GDF1: variants seen among roughly 807,000 people sequenced by gnomAD.
GDF1 encodes the protein embryonic growth/differentiation factor 1.
GDF1 carries 8 observed loss-of-function variants against 7.4 expected under a neutral mutation model. The observed-to-expected ratio is 1.09, with a 90% CI of 0.64 to 1.96. GDF1 has a LOEUF of 1.96. Ranked by LOEUF, GDF1 falls within the 30% of genes most tolerant of loss-of-function variation. The pLI, the probability that GDF1 is intolerant of heterozygous loss-of-function variation, is 0.00. For missense variants in GDF1, 574 were observed against 551.5 expected, an observed-to-expected ratio of 1.04 and a Z score of -0.41; for synonymous variants, 311 against 276.7, an observed-to-expected ratio of 1.12 and a Z score of -1.23.
intron 3 of GDF1, 53 bp from the exon 4 acceptor site, chr19:18,880,488 A>G: frequency 6.7e-7 from 1 of 1,496,182 alleles, no homozygotes; most frequent in Non-Finnish European, 9.0e-7. Flanking sequence ...GGGGACCTCC[A>G]CTCTGCACTA....
chr19:18,890,357 C>T (rs1045220504), intron 2 of GDF1, among the ~76,000 whole-genome samples: 1 of 152,248 alleles, frequency 6.6e-6, no homozygotes, highest in South Asian at 2.1e-4. Flanking sequence ...CCCTGCCACA[C>T]GGCCAGCTTC....
Position 18,879,268 on chromosome 19 carries a change from G to T in GDF1, c.-450C>A. 6.2e-7 allele frequency: 1 copy of T among 1,613,662 alleles called. No individual in the cohort carries two copies. Among genetic ancestry groups the T allele is most frequent in the South Asian group, 1.1e-5 (1 of 91,016 alleles). ...GGAACCAGTAGAGGTTCATAAGGGTGAGCAGCAGCAGGAGCGCATTGAAGA... is the reference window on the plus strand; with the variant it reads ...GGAACCAGTAGAGGTTCATAAGGGTTAGCAGCAGCAGGAGCGCATTGAAGA... On this transcript the variant is annotated 5_prime_UTR_variant, in exon 5 of 8. It introduces an in-frame stop codon into an upstream open reading frame of the 5' UTR. Coordinates refer to ENST00000247005, the MANE Select transcript of GDF1 (RefSeq NM_001492.6).
At chr19:18,871,725 G>A (rs532424083) in intron 6 of GDF1, among the ~76,000 whole-genome samples, 1 of 152,300 alleles carries the variant, frequency 6.6e-6, no homozygotes, top group South Asian at 2.1e-4. Context: ...CCAACTGGCT[G>A]TCCCCATCCA....
intron 4 of GDF1, among the ~76,000 whole-genome samples, chr19:18,880,031 C>T (rs1240896753): frequency 2.0e-5 from 3 of 151,728 alleles, no homozygotes. Context: ...CCCACCTCAC[C>T]TGGCTTATCC....
At chr19:18,892,313 G>A (rs540839224) in intron 2 of GDF1, among the ~76,000 whole-genome samples, 3 of 152,068 alleles carry the variant, frequency 2.0e-5, no homozygotes, top group African/African-American at 7.2e-5. Flanking sequence ...TCCATGCTGT[G>A]CTTAAAAACA....
At chr19:18,890,821 C>T (rs1021709634) in intron 2 of GDF1, among the ~76,000 whole-genome samples, 2 of 146,334 alleles carry the variant, frequency 1.4e-5, no homozygotes, top group Non-Finnish European at 3.0e-5. Context: ...AAGGCAAGTC[C>T]ATGCCCAAAA....
chr19:18,884,417 ATTTT>A (rs11297387), intron 2 of GDF1, 150 bp from the exon 3 acceptor site: 27 of 562,648 alleles, frequency 4.8e-5, no homozygotes, highest in South Asian at 1.3e-4. Context: ...TCCCAATTCT[ATTTT>A]TTTTTTTTTT....
chr19:18,880,162 A>G (rs563400159), intron 4 of GDF1, 112 bp downstream of exon 4: 1 of 1,056,792 alleles, frequency 9.5e-7, no homozygotes, highest in Admixed American at 2.9e-5. Context: ...CATGCCACAC[A>G]CCCACCTCAC....
chr19:18,887,433 T>C (rs1039879829), intron 2 of GDF1, among the ~76,000 whole-genome samples: 1 of 151,708 alleles, frequency 6.6e-6, no homozygotes, highest in Admixed American at 6.6e-5. Context: ...ACAGAGGGGG[T>C]GGTTGAACAA....
chr19:18,879,173 TGAG>T (rs1323589168), intron 5 of GDF1, 65 bp downstream of exon 5: 3 of 1,603,676 alleles, frequency 1.9e-6, no homozygotes, highest in Non-Finnish European at 2.6e-6. Context: ...CGGGACTGCC[TGAG>T]GAGGGGACAG....
intron 2 of GDF1, among the ~76,000 whole-genome samples, chr19:18,885,514 T>TTTTG (rs568982745): frequency 1.8e-3 from 57 of 31,264 alleles, no homozygotes; most frequent in African/African-American, 2.5e-3. Flanking sequence ...CCTTCTCGTT[T>TTTTG]TTTTTTTTTT....
At chr19:18,885,006 G>A (rs960659587) in intron 2 of GDF1, among the ~76,000 whole-genome samples, 3 of 150,954 alleles carry the variant, frequency 2.0e-5, no homozygotes, top group Non-Finnish European at 4.4e-5. Context: ...GTGAGCCACC[G>A]TGCCCGGCCA....
intron 3 of GDF1, 121 bp downstream of exon 3, chr19:18,883,966 C>T: frequency 9.1e-7 from 1 of 1,099,384 alleles, no homozygotes; most frequent in Non-Finnish European, 1.3e-6. Context: ...ACCTTGGAAC[C>T]CTGAGCACTC....
intron 2 of GDF1, among the ~76,000 whole-genome samples, chr19:18,887,067 T>C (rs2056380054): frequency 6.6e-6 from 1 of 152,174 alleles, no homozygotes; most frequent in South Asian, 2.1e-4. Flanking sequence ...TGTGTCCCTG[T>C]CTACAGCAGC....
In GDF1 at chr19:18,879,381, A is replaced by C; in HGVS notation, c.-563T>G. 1 of 1,565,820 alleles carries C rather than the reference A, an allele frequency of 6.4e-7. No individual in the cohort carries two copies. Among genetic ancestry groups the C allele is most frequent in the South Asian group, 1.2e-5 (1 of 85,246 alleles). On this transcript the variant is annotated 5_prime_UTR_variant, in exon 5 of 8. Transcript: ENST00000247005. ...TTGAGCGGGAACCAGTAGAGGCGGA[A>C]CCAGAACCTGCGGTGGGAGGAGTCA...
intron 7 of GDF1, 148 bp downstream of exon 7, chr19:18,869,835 G>A: frequency 1.4e-6 from 1 of 736,568 alleles, no homozygotes; most frequent in Admixed American, 2.1e-5. Context: ...CGAGGAAAGG[G>A]TGAGGTGCGG....
chr19:18,888,047 C>T (rs6511008), intron 2 of GDF1, among the ~76,000 whole-genome samples: 141,360 of 152,238 alleles, frequency 0.93, 65,818 homozygotes, highest in African/African-American at 0.97. Context: ...TAATTTCAAG[C>T]TACATACATT....
chr19:18,883,995 T>TC (rs1275310243), intron 3 of GDF1, 92 bp downstream of exon 3: 8 of 1,374,374 alleles, frequency 5.8e-6, no homozygotes, highest in Non-Finnish European at 7.9e-6. Context: ...TGTGATCCCC[T>TC]CCACGGCCTC....
intron 2 of GDF1, among the ~76,000 whole-genome samples, chr19:18,886,922 T>C (rs2056376044): frequency 6.6e-6 from 1 of 152,128 alleles, no homozygotes; most frequent in South Asian, 2.1e-4. Flanking sequence ...CAGCGATCCC[T>C]GGCCCCCATG....
Sources: gnomAD v4.1 joint callset for allele counts (sites outside exome capture counted in the v4.1 genomes callset) on GRCh38, gnomAD v4.1.1 for gene constraint, MANE v1.5 for transcripts, NCBI Gene and HGNC (gene_info 2026-07-23, HGNC 2026-07-21) for gene names.